ARHGEF4: variants seen among roughly 807,000 people sequenced by gnomAD.
ARHGEF4 encodes the protein Rho guanine nucleotide exchange factor 4.
ARHGEF4 carries 119 observed loss-of-function variants against 162.0 expected under a neutral mutation model. The observed-to-expected ratio is 0.73, with a 90% CI of 0.63 to 0.86. ARHGEF4 has a LOEUF of 0.86. ARHGEF4 is among the 40% of genes least tolerant of loss of function. The pLI, the probability that ARHGEF4 is intolerant of heterozygous loss-of-function variation, is 0.00. For synonymous variants in ARHGEF4, 1,014 were observed against 979.9 expected (o/e 1.03, Z -0.65); for missense variants, 2,488 against 2,456.0 (o/e 1.01, Z -0.28).
chr2:130,959,296 T>TG (rs1414563735), intron 4 of ARHGEF4, among the ~76,000 whole-genome samples: 2 of 152,042 alleles, frequency 1.3e-5, no homozygotes, highest in Admixed American at 6.5e-5. Flanking sequence ...CATGATGTTC[T>TG]GCACATAGAA....
chr2:130,954,024 A>G (rs1439884857), intron 4 of ARHGEF4, among the ~76,000 whole-genome samples: 2 of 152,214 alleles, frequency 1.3e-5, no homozygotes, highest in Non-Finnish European at 2.9e-5. Context: ...AACTAGAAAT[A>G]CCATTTGACC....
chr2:131,040,552 C>T (rs1231145391), intron 8 of ARHGEF4, 112 bp downstream of exon 8: 1 of 1,249,646 alleles, frequency 8.0e-7, no homozygotes, highest in Admixed American at 2.8e-5. Context: ...ACGCCTGGGC[C>T]CCAGCTCCAG....
At chr2:130,909,063 T>G (rs945829520) in intron 1 of ARHGEF4, among the ~76,000 whole-genome samples, 1 of 152,164 alleles carries the variant, frequency 6.6e-6, no homozygotes, top group South Asian at 2.1e-4. Flanking sequence ...CAGCAGGACC[T>G]CATACATTGT....
chr2:131,002,019 G>A (rs920346942), intron 4 of ARHGEF4, among the ~76,000 whole-genome samples: 7 of 151,998 alleles, frequency 4.6e-5, no homozygotes, highest in East Asian at 3.9e-4. Flanking sequence ...TGGCTACGTC[G>A]GAATACTTTC....
At chr2:131,039,243 G>C in intron 6 of ARHGEF4, 1 of 1,281,814 alleles carries the variant, frequency 7.8e-7, no homozygotes, top group South Asian at 1.7e-5. Flanking sequence ...GGGCCAGAGA[G>C]GAGAGCAGTC....
intron 1 of ARHGEF4, among the ~76,000 whole-genome samples, chr2:130,869,652 G>A (rs868119992): frequency 1.3e-5 from 2 of 152,230 alleles, no homozygotes; most frequent in African/African-American, 4.8e-5. Context: ...TTAGAGAGAA[G>A]AGAGGGTATG....
chr2:131,012,224 G>C (rs911948456), intron 4 of ARHGEF4, among the ~76,000 whole-genome samples: 1 of 152,044 alleles, frequency 6.6e-6, no homozygotes, highest in Admixed American at 6.5e-5. Context: ...GGAGAGGTGT[G>C]GAGAGGGTTG....
At position 130,907,452 on chromosome 2, in the gene ARHGEF4, C is replaced by T. The variant is rs182712872; in HGVS notation, c.40-6534C>T. ...CAGGATGGTCTCGATCTCCTGACCTCGTGATCCGCCCACCTCAGCGTCCCA... is the reference window on the plus strand; with the variant it reads ...CAGGATGGTCTCGATCTCCTGACCTTGTGATCCGCCCACCTCAGCGTCCCA... On this transcript the variant is annotated intron_variant, in intron 1 of 13. Transcript: ENST00000409359. Among the ~76,000 whole-genome samples the T allele has an allele frequency of 1.8e-3, 265 of 151,404 alleles. 4 individuals are homozygous for T. Among genetic ancestry groups the T allele is most frequent in the Middle Eastern group, 0.01 (3 of 288 alleles).
intron 4 of ARHGEF4, among the ~76,000 whole-genome samples, chr2:130,993,605 C>T (rs1259867824): frequency 6.6e-6 from 1 of 152,036 alleles, no homozygotes; most frequent in Admixed American, 6.6e-5. Flanking sequence ...TTAATAGAAG[C>T]ATACAAATTT....
chr2:130,848,781 C>G (rs1357599040), intron 1 of ARHGEF4, among the ~76,000 whole-genome samples: 1 of 152,170 alleles, frequency 6.6e-6, no homozygotes, highest in Non-Finnish European at 1.5e-5. Context: ...GCTTGGTTGT[C>G]AGTGTGAGTG....
chr2:131,023,435 A>C (rs1365152788), intron 4 of ARHGEF4, among the ~76,000 whole-genome samples: 1 of 152,154 alleles, frequency 6.6e-6, no homozygotes, highest in African/African-American at 2.4e-5. Flanking sequence ...CTCATCTTAA[A>C]AAAAATAGGC....
intron 2 of ARHGEF4, among the ~76,000 whole-genome samples, chr2:130,930,144 C>T (rs1429938595): frequency 3.3e-5 from 5 of 152,148 alleles, no homozygotes; most frequent in African/African-American, 4.8e-5. Context: ...CTGCCCGCCT[C>T]GGCCTCCCAA....
At chr2:130,920,925 A>T (rs768868061) in intron 2 of ARHGEF4, among the ~76,000 whole-genome samples, 1 of 152,172 alleles carries the variant, frequency 6.6e-6, no homozygotes, top group Non-Finnish European at 1.5e-5. Flanking sequence ...TAATACATAA[A>T]TGTGTAGACA....
chr2:130,990,554 T>TA (rs1298217643), intron 4 of ARHGEF4, among the ~76,000 whole-genome samples: 1 of 152,086 alleles, frequency 6.6e-6, no homozygotes, highest in Non-Finnish European at 1.5e-5. Flanking sequence ...TTATGCTGAA[T>TA]AAAAAACAAC....
At chr2:130,893,734 C>G (rs980196451) in intron 1 of ARHGEF4, among the ~76,000 whole-genome samples, 1 of 152,170 alleles carries the variant, frequency 6.6e-6, no homozygotes, top group Non-Finnish European at 1.5e-5. Context: ...CTGTTTTGAT[C>G]GATCAGATGT....
In ARHGEF4 at chr2:130,837,688, C is replaced by G. The variant is rs577732654; in HGVS notation, c.39+696C>G. 1,505 of 437,816 alleles carry G rather than the reference C, an allele frequency of 3.4e-3. 3 individuals carry two copies. Among genetic ancestry groups the G allele is most frequent in the Non-Finnish European group, 3.9e-3 (860 of 217,956 alleles). 27.1% of individuals were successfully genotyped at this position (437,816 alleles called of 1,614,324 possible). A position where few individuals can be genotyped will look rare whatever the true frequency, so the allele number is the denominator to read the frequency against. On this transcript the variant is annotated intron_variant, in intron 1 of 13. Coordinates refer to ENST00000409359, the MANE Select transcript of ARHGEF4 (RefSeq NM_001367493.1). ...GGGTGGCCGGCCACAGGTTGCCAAG[C>G]CCGACCTCCCCAGGTGAGCCAGCGG...
At chr2:130,977,334 G>A (rs1685806052) in intron 4 of ARHGEF4, among the ~76,000 whole-genome samples, 1 of 151,816 alleles carries the variant, frequency 6.6e-6, no homozygotes, top group Admixed American at 6.6e-5. Context: ...GGTGCGTTAA[G>A]TATGTGGTGT....
Position 131,044,589 on chromosome 2 carries a change from C to T in ARHGEF4, c.5401+47C>T, listed in dbSNP as rs184000673. The T allele has an allele frequency of 5.0e-5, 76 of 1,525,484 alleles. No homozygotes were observed. The African/African-American group carries it at 5.7e-4, about 11-fold the overall frequency. The allele number at this position is 1,525,484 out of a possible 1,614,324, so 94.5% of individuals were successfully genotyped here. A position where few individuals can be genotyped will look rare whatever the true frequency, so the allele number is the denominator to read the frequency against. ...TGCCCCGCCCCCAGGGCCCACCCGG[C>T]GCTCCCGCCTGCCTGGCCGCCTGCC... On this transcript the variant is annotated intron_variant, in intron 12 of 13. Coordinates refer to ENST00000409359, the MANE Select transcript of ARHGEF4 (RefSeq NM_001367493.1).
intron 4 of ARHGEF4, among the ~76,000 whole-genome samples, chr2:130,987,402 G>C (rs1686589641): frequency 6.6e-6 from 1 of 152,174 alleles, no homozygotes; most frequent in African/African-American, 2.4e-5. Context: ...CTTAAAGATG[G>C]CACGGGTGAG....
Sources: allele counts gnomAD v4.1 joint callset (sites outside exome capture counted in the v4.1 genomes callset), GRCh38; gene constraint gnomAD v4.1.1; transcripts MANE v1.5; gene names NCBI Gene and HGNC (gene_info 2026-07-23, HGNC 2026-07-21).